MED30: variants seen among roughly 807,000 people sequenced by gnomAD.
MED30 encodes mediator complex subunit 30.
A neutral mutation model predicts 21.7 loss-of-function variants in MED30; 8 were observed. That is an observed-to-expected ratio of 0.37 (90% CI 0.22 to 0.67). The LOEUF is 0.67. Among genes scored for constraint, MED30 ranks in the 30% least tolerant of loss-of-function variants. The pLI, the probability that MED30 is intolerant of heterozygous loss-of-function variation, is 0.58. For missense variants in MED30, 203 were observed against 228.2 expected, an observed-to-expected ratio of 0.89 and a Z score of 0.71; for synonymous variants, 79 against 86.7, an observed-to-expected ratio of 0.91 and a Z score of 0.49.
At chr8:117,530,031 A>G (rs112450119) in intron 2 of MED30, among the ~76,000 whole-genome samples, 4 of 152,164 alleles carry the variant, frequency 2.6e-5, no homozygotes, top group African/African-American at 9.6e-5. Flanking sequence ...TTGGTAATAC[A>G]CGATGGTAAA....
At chr8:117,537,610 AGTT>A (rs202046320) in intron 3 of MED30, among the ~76,000 whole-genome samples, 2,920 of 152,274 alleles carry the variant, frequency 0.019, 56 homozygotes, top group Middle Eastern at 0.034. Flanking sequence ...TACAAATTTT[AGTT>A]GTTACTTTTT....
rs536522476 is a variant in MED30 at position 117,534,855 on chromosome 8, T to G, written c.441+4028T>G. ...TGCTAAAAGGCAAACAAATTGTTTT[T>G]TTTTTTTTTTTTTACCAAAAGGGCT... On this transcript the variant is annotated intron_variant, in intron 3 of 3. Coordinates refer to ENST00000297347, the MANE Select transcript of MED30 (RefSeq NM_080651.4). Among the ~76,000 whole-genome samples the G allele has an allele frequency of 6.5e-4, 98 of 150,430 alleles. 1 individual carries two copies. The highest frequency in any genetic ancestry group is 4.3e-4 in the Non-Finnish European group (29 of 67,528).
Position 117,530,802 on chromosome 8 carries a change from G to A in MED30, c.416G>A (p.Arg139Lys). The change falls in exon 3 of 4, where the codon AGG (arginine) becomes AAG (lysine). Residue 139 changes from arginine to lysine, a missense_variant. Arg to Lys is a conservative substitution (Grantham distance 26, BLOSUM62 2). Transcript: ENST00000297347. ...AGPPRFASEE[R>K]REIAEVNKKL... ...CCACCTCGTTTTGCTAGTGAAGAGA[G>A]GCGAGAAATTGCTGAAGTAAATAAA... 1 of 1,610,388 alleles carries A rather than the reference G, an allele frequency of 6.2e-7. No homozygotes were observed. Among genetic ancestry groups the A allele is most frequent in the Non-Finnish European group, 8.5e-7 (1 of 1,177,792 alleles).
intron 3 of MED30, among the ~76,000 whole-genome samples, chr8:117,538,845 G>T (rs1264546973): frequency 2.0e-5 from 3 of 152,212 alleles, no homozygotes; most frequent in Non-Finnish European, 4.4e-5. Context: ...TCTTAGTAGA[G>T]AAGATTGCAT....
intron 2 of MED30, 35 bp downstream of exon 2, chr8:117,528,844 G>T: frequency 6.7e-7 from 1 of 1,497,614 alleles, no homozygotes; most frequent in Non-Finnish European, 9.0e-7. Context: ...ATGAATATAA[G>T]GTGTGAACTA....
intron 1 of MED30, among the ~76,000 whole-genome samples, chr8:117,528,398 G>GT (rs1818749774): frequency 6.6e-6 from 1 of 151,742 alleles, no homozygotes; most frequent in African/African-American, 2.4e-5. Flanking sequence ...AGGGGAAAAA[G>GT]TATTTCAAGT....
chr8:117,540,125 A>G lies in MED30; in HGVS notation c.*147A>G, dbSNP rs1414422328. On this transcript the variant is annotated 3_prime_UTR_variant, in exon 4 of 4. Transcript: ENST00000297347. ...ATTTTTACATTGTGATTTTTACATT[A>G]AAATATTAACTTTTTTTAATGCTAT... 1 of 447,460 alleles carries G rather than the reference A, an allele frequency of 2.2e-6. No homozygotes were observed. Among genetic ancestry groups the G allele is most frequent in the Non-Finnish European group, 3.9e-6 (1 of 259,394 alleles). 27.7% of individuals were successfully genotyped at this position (447,460 alleles called of 1,614,324 possible).
chr8:117,522,393 A>G (rs1183147502), intron 1 of MED30, among the ~76,000 whole-genome samples: 1 of 152,094 alleles, frequency 6.6e-6, no homozygotes, highest in Non-Finnish European at 1.5e-5. Flanking sequence ...ATCCAAGTTC[A>G]TTGTTTTGCA....
At chr8:117,527,559 T>C (rs775417821) in intron 1 of MED30, among the ~76,000 whole-genome samples, 26 of 151,866 alleles carry the variant, frequency 1.7e-4, no homozygotes, top group Admixed American at 2.6e-4. Context: ...TCTTTTTTCA[T>C]GTTTATGGTT....
At chr8:117,521,870 A>G (rs555068078) in intron 1 of MED30, among the ~76,000 whole-genome samples, 41 of 152,188 alleles carry the variant, frequency 2.7e-4, no homozygotes, top group Non-Finnish European at 5.3e-4. Context: ...TAATGCTGCT[A>G]TGAACTTTTG....
rs186755463 is a variant in MED30, at chr8:117,523,482, G to T, written c.177+2429G>T. 1,258 of 1,587,666 alleles carry T rather than the reference G, an allele frequency of 7.9e-4. 7 individuals carry two copies. The African/African-American group carries it at 0.015, about 19-fold the overall frequency. The stretch of plus-strand genomic sequence containing the variant: ...CAGTCTCTGGACGGCTGCGGCGTAG[G>T]GTGGCAGGAACAATCTCCGGGGGCA... On this transcript the variant is annotated intron_variant, in intron 1 of 3. Coordinates refer to ENST00000297347, the MANE Select transcript of MED30 (RefSeq NM_080651.4).
intron 1 of MED30, among the ~76,000 whole-genome samples, chr8:117,528,313 A>T (rs914728557): frequency 1.3e-5 from 2 of 151,820 alleles, no homozygotes; most frequent in African/African-American, 2.4e-5. Flanking sequence ...GGTTGAGGTC[A>T]GCAGCATGCT....
At chr8:117,536,306 G>C (rs1345297246) in intron 3 of MED30, among the ~76,000 whole-genome samples, 1 of 151,962 alleles carries the variant, frequency 6.6e-6, no homozygotes. Flanking sequence ...TTAATACATT[G>C]GCATTTGGTT....
At chr8:117,539,252 G>GGGA (rs1295589020) in intron 3 of MED30, among the ~76,000 whole-genome samples, 1 of 152,164 alleles carries the variant, frequency 6.6e-6, no homozygotes, top group Non-Finnish European at 1.5e-5. Context: ...CCAGCACTTT[G>GGGA]GGAGGCCAAG....
chr8:117,523,543 T>C lies in MED30; in HGVS notation c.177+2490T>C, dbSNP rs977104206. The C allele has an allele frequency of 2.1e-5, 34 of 1,600,740 alleles. No homozygotes were observed. The Admixed American group carries it at 5.7e-4, about 27-fold the overall frequency. ...ATCACAGAGATACTGGATACCCTCA[T>C]TGGTAAGGTACCAGTAGAAATGTCT... On this transcript the variant is annotated intron_variant, in intron 1 of 3. Transcript: ENST00000297347.
At position 117,522,412 on chromosome 8, in the gene MED30, T is replaced by C. The variant is rs117273246; in HGVS notation, c.177+1359T>C. On this transcript the variant is annotated intron_variant, in intron 1 of 3. Coordinates refer to ENST00000297347, the MANE Select transcript of MED30 (RefSeq NM_080651.4). ...AAGTTCATTGTTTTGCATTTGGATA[T>C]CCAGTTGTTCCAGCACCATTTTGCT... is the stretch of plus-strand genomic sequence containing the variant. 3.5e-3 allele frequency among the ~76,000 whole-genome samples: 535 copies of C among 152,346 alleles called. 5 individuals are homozygous for C. The highest frequency in any genetic ancestry group is 0.029 in the East Asian group (151 of 5,176).
At chr8:117,523,251 TCCTCTCCA>T in intron 1 of MED30, 1 of 1,046,742 alleles carries the variant, frequency 9.6e-7, no homozygotes, top group South Asian at 1.3e-5. Flanking sequence ...TGCAAAATAA[TCCTCTCCA>T]ATTTTACTGA....
chr8:117,521,943 C>T (rs912759863), intron 1 of MED30, among the ~76,000 whole-genome samples: 7 of 152,176 alleles, frequency 4.6e-5, no homozygotes, highest in Admixed American at 3.3e-4. Context: ...AGTGGAATTG[C>T]TGGATCATGC....
In MED30 at chr8:117,520,930, G is replaced by A. The variant is rs767464571; in HGVS notation, c.54G>A (p.Gly18=). Residue 18 remains glycine, a synonymous_variant, in exon 1 of 4, where the codon GGG becomes GGA. Transcript: ENST00000297347. ...GGATGGCGCCCGGGCCCTTCGCCGG[G>A]CCCCAGGCTCAGCAGGCCGCCCGGG... ...ASGMAPGPFA[G]PQAQQAAREV... 6.2e-7 allele frequency: 1 copy of A among 1,611,218 alleles called. No homozygotes were observed. Among genetic ancestry groups the A allele is most frequent in the Non-Finnish European group, 8.5e-7 (1 of 1,178,900 alleles).
Sources: gnomAD v4.1 joint callset for allele counts (sites outside exome capture counted in the v4.1 genomes callset) on GRCh38, gnomAD v4.1.1 for gene constraint, MANE v1.5 for transcripts, NCBI Gene and HGNC (gene_info 2026-07-23, HGNC 2026-07-21) for gene names.